OASL: variants seen among roughly 807,000 people sequenced by gnomAD.
The protein encoded by OASL is 2'-5'-oligoadenylate synthetase like.
In OASL, 28 loss-of-function variants were observed where a neutral mutation model predicts 35.3. That is an observed-to-expected ratio of 0.79 (90% CI 0.59 to 1.09). OASL has a LOEUF of 1.09. Among genes scored for constraint, OASL ranks in the 50% least tolerant of loss-of-function variants. The pLI is 0.00. For synonymous variants in OASL, 252 were observed against 254.6 expected (o/e 0.99, Z 0.10); for missense variants, 620 against 635.2 (o/e 0.98, Z 0.26).
intron 2 of OASL, 140 bp from the exon 3 acceptor site, chr12:121,031,757 A>C: frequency 1.5e-6 from 1 of 658,634 alleles, no homozygotes; most frequent in East Asian, 2.7e-5. Flanking sequence ...CAGAAACCAA[A>C]GGTTTGCCTT....
intron 4 of OASL, 76 bp from the exon 5 acceptor site, chr12:121,024,213 A>G (rs1869385020): frequency 6.6e-7 from 1 of 1,513,894 alleles, no homozygotes; most frequent in Non-Finnish European, 9.0e-7. Context: ...CTTCTCGGCA[A>G]TTATTTCGTC....
downstream of OASL, among the ~76,000 whole-genome samples, chr12:121,018,795 C>T (rs984058675): frequency 7.1e-6 from 1 of 140,774 alleles, no homozygotes; most frequent in Non-Finnish European, 1.5e-5. Context: ...GCTTGAACCT[C>T]GGAGGCAGAG....
intron 3 of OASL, among the ~76,000 whole-genome samples, chr12:121,029,140 A>G (rs1869627090): frequency 6.6e-6 from 1 of 151,948 alleles, no homozygotes; most frequent in Non-Finnish European, 1.5e-5. Flanking sequence ...TTTTGGTCAA[A>G]TATTCAGTAG....
chr12:121,023,872 T>TA (rs1869361592), intron 5 of OASL, 118 bp downstream of exon 5: 2 of 1,290,132 alleles, frequency 1.6e-6, no homozygotes, highest in South Asian at 3.0e-5. Flanking sequence ...AGCTGGCCCT[T>TA]AAACGGTGAC....
At chr12:121,025,265 C>T (rs530170679) in intron 4 of OASL, among the ~76,000 whole-genome samples, 13 of 152,078 alleles carry the variant, frequency 8.5e-5, no homozygotes, top group African/African-American at 1.2e-4. Context: ...CATGAGCCAC[C>T]GGTGCCCGGC....
chr12:121,024,432 C>T (rs972483870), intron 4 of OASL, among the ~76,000 whole-genome samples: 11 of 152,068 alleles, frequency 7.2e-5, no homozygotes, highest in African/African-American at 1.2e-4. Flanking sequence ...GCCTGGCCAA[C>T]GTGGTGAAAC....
chr12:121,020,854 TC>T lies in OASL; in HGVS notation c.1251del (p.Ile418SerfsTer21), dbSNP rs1398460491. 2.5e-5 allele frequency: 40 copies of T among 1,614,014 alleles called. No individual in the cohort carries two copies. The highest frequency in any genetic ancestry group is 3.4e-5 in the Non-Finnish European group (40 of 1,180,010). ...AGATAGATGTGAGTGTGGGAGAAGA[TC>T]CCATATTTGGCTAAGGAGCACCTGC... On this transcript the variant is annotated frameshift_variant, in exon 6 of 6. Coordinates refer to ENST00000257570, the Ensembl canonical transcript of OASL. LOFTEE classifies it low-confidence loss of function (END_TRUNC).
intron 4 of OASL, among the ~76,000 whole-genome samples, chr12:121,026,973 G>C (rs1047289378): frequency 1.3e-5 from 2 of 152,112 alleles, no homozygotes; most frequent in African/African-American, 4.8e-5. Context: ...CTCAGAGTGG[G>C]TCTGCTGGCA....
intron 1 of OASL, 122 bp from the exon 2 acceptor site, chr12:121,033,865 A>G (rs1298946720): frequency 9.9e-7 from 1 of 1,008,748 alleles, no homozygotes; most frequent in Non-Finnish European, 1.5e-6. Flanking sequence ...GGTTGTGGGT[A>G]GTACTAATAC....
intron 4 of OASL, among the ~76,000 whole-genome samples, chr12:121,025,072 G>A (rs1403063635): frequency 6.9e-6 from 1 of 144,760 alleles, no homozygotes; most frequent in African/African-American, 2.6e-5. Context: ...TCCACCTCCC[G>A]GGTTCAGCCA....
rs766248806 is a variant in OASL at position 121,031,504 on chromosome 12, C to A, written c.595G>T (p.Val199Leu). The change falls in exon 3 of 6, where the codon GTG becomes TTG. Residue 199 changes from valine to leucine, a missense_variant. By Grantham distance (32) the Val-to-Leu change is conservative (BLOSUM62 1). Transcript: ENST00000257570. ...TTCAGCTTAGTTGGCCGATGTTTCA[C>A]GAAATTTCTCTGCAGCTCGCTGAAG... 5.0e-6 allele frequency: 8 copies of A among 1,614,082 alleles called. No homozygotes were observed. The South Asian group carries it at 5.5e-5, about 11-fold the overall frequency.
At chr12:121,032,704 C>T (rs73214163) in intron 2 of OASL, among the ~76,000 whole-genome samples, 4,425 of 152,226 alleles carry the variant, frequency 0.029, 103 homozygotes, top group Middle Eastern at 0.075. Flanking sequence ...AAATAAACTG[C>T]GTATCCTCAC....
exon 6 of OASL, chr12:121,020,751 G>C (rs1053874749): frequency 6.2e-7 from 1 of 1,614,010 alleles, no homozygotes; most frequent in African/African-American, 1.3e-5. Context: ...GAAGCTGTTG[G>C]GGTTGATGGC....
chr12:121,026,548 T>C (rs1168411042), intron 4 of OASL, among the ~76,000 whole-genome samples: 1 of 152,122 alleles, frequency 6.6e-6, no homozygotes, highest in Non-Finnish European at 1.5e-5. Flanking sequence ...GGAGGCGATC[T>C]TTAGGAAAGA....
In OASL at chr12:121,020,794, C is replaced by T. The variant is rs759319882; in HGVS notation, c.1312G>A (p.Val438Met). Residue 438 changes from valine to methionine, a missense_variant, in exon 6 of 6, where the codon GTG (valine) becomes ATG (methionine). Coordinates refer to ENST00000257570, the Ensembl canonical transcript of OASL. The stretch of plus-strand genomic sequence containing the variant: ...TAGCTCCCACCATCAGGATTCTTCA[C>T]GAAGACCTGGATCTCGGAGGGGATG... 10 of 1,613,930 alleles carry T rather than the reference C, an allele frequency of 6.2e-6. No individual in the cohort carries two copies. The highest frequency in any genetic ancestry group is 2.7e-5 in the African/African-American group (2 of 74,870).
chr12:121,027,607 C>T (rs752630005), exon 4 of OASL: 8 of 1,614,190 alleles, frequency 5.0e-6, no homozygotes, highest in Non-Finnish European at 6.8e-6. Flanking sequence ...CTGACACAAT[C>T]CTCAATGATT....
At chr12:121,023,895 T>C in intron 5 of OASL, 95 bp downstream of exon 5, 2 of 1,459,066 alleles carry the variant, frequency 1.4e-6, no homozygotes, top group South Asian at 1.3e-5. Flanking sequence ...TAAAGTTCTG[T>C]TCTCCATCAA....
exon 6 of OASL, chr12:121,020,900 A>G: frequency 1.9e-6 from 3 of 1,614,166 alleles, no homozygotes; most frequent in Non-Finnish European, 2.5e-6. Context: ...GCTGCCTCTC[A>G]CTGCCAGGAA....
chr12:121,034,874 T>C (rs1451504992), intron 1 of OASL, among the ~76,000 whole-genome samples: 2 of 152,176 alleles, frequency 1.3e-5, no homozygotes, highest in Admixed American at 1.3e-4. Flanking sequence ...CAATCTCTTC[T>C]GCTGCCGGGG....
Sources: gnomAD v4.1 joint callset for allele counts (sites outside exome capture counted in the v4.1 genomes callset) on GRCh38, gnomAD v4.1.1 for gene constraint, MANE v1.5 for transcripts, NCBI Gene and HGNC (gene_info 2026-07-23, HGNC 2026-07-21) for gene names.